COL25A1: variants seen among roughly 807,000 people sequenced by gnomAD.
The protein encoded by COL25A1 is collagen type XXV alpha 1 chain, also known as collagen alpha-1(XXV) chain.
COL25A1 carries 103 observed loss-of-function variants against 128.4 expected under a neutral mutation model. That is an observed-to-expected ratio of 0.80 (90% confidence interval 0.68 to 0.94). The LOEUF (loss-of-function observed/expected upper bound fraction) is 0.94, where lower values mean the gene tolerates loss of function less well. Ranked by LOEUF, COL25A1 falls within the 40% of genes least tolerant of loss-of-function variation. COL25A1 has a pLI of 0.00. For missense variants in COL25A1, 745 were observed against 840.0 expected (o/e 0.89, Z 1.40); for synonymous variants, 279 against 277.2 (o/e 1.01, Z -0.06).
intron 6 of COL25A1, among the ~76,000 whole-genome samples, chr4:109,004,699 G>A (rs1161334971): frequency 2.6e-5 from 4 of 152,112 alleles, no homozygotes; most frequent in Admixed American, 1.3e-4. Context: ...CTTTTGCCAT[G>A]TGACGTGCCT....
intron 19 of COL25A1, 38 bp from the exon 20 acceptor site, chr4:108,869,188 G>A (rs371256287): frequency 1.2e-6 from 1 of 833,352 alleles, no homozygotes; most frequent in Non-Finnish European, 1.8e-6. Flanking sequence ...TTAATCATTT[G>A]ACAATAAATA....
intron 15 of COL25A1, among the ~76,000 whole-genome samples, chr4:108,898,411 G>A (rs749829487): frequency 5.3e-5 from 8 of 152,154 alleles, no homozygotes; most frequent in African/African-American, 4.8e-5. Flanking sequence ...AGAGCATGAT[G>A]TAGTAACTTG....
rs1232600632 is a variant in COL25A1 at position 108,819,334 on chromosome 4, T to A, written c.1846-5A>T. 6.2e-7 allele frequency: 1 copy of A among 1,610,454 alleles called. No individual in the cohort carries two copies. The highest frequency in any genetic ancestry group is 2.2e-5 in the East Asian group (1 of 44,748). On this transcript the variant is annotated splice_polypyrimidine_tract_variant and splice_region_variant and intron_variant, in intron 35 of 37. Transcript: ENST00000399132. The stretch of plus-strand genomic sequence containing the variant: ...CCCCTTAACGCCACGGAATCCCTGT[T>A]TGTAAAGATTAACTCATAATGTTAC...
intron 6 of COL25A1, among the ~76,000 whole-genome samples, chr4:108,992,968 T>C (rs1432309376): frequency 6.6e-6 from 1 of 152,234 alleles, no homozygotes; most frequent in Non-Finnish European, 1.5e-5. Context: ...GAAGTATATA[T>C]ACATTGTAGA....
chr4:108,906,060 A>C lies in COL25A1; in HGVS notation c.781-4888T>G, dbSNP rs994893493. On this transcript the variant is annotated intron_variant, in intron 13 of 37. Coordinates refer to ENST00000399132, the MANE Select transcript of COL25A1 (RefSeq NM_198721.4). ...GTTCTTTGCCACCCACCAGCTTCCA[A>C]CATTCTCTTAAAAGCAAGTCAGGCA... Among the ~76,000 whole-genome samples, 3 of 152,098 alleles carry C rather than the reference A, an allele frequency of 2.0e-5. No individual in the cohort carries two copies. In the South Asian group the frequency reaches 6.2e-4, roughly 31 times the overall value.
At chr4:109,155,524 C>T (rs1164616811) in intron 3 of COL25A1, among the ~76,000 whole-genome samples, 1 of 152,176 alleles carries the variant, frequency 6.6e-6, no homozygotes, top group African/African-American at 2.4e-5. Context: ...GCCTGTATAA[C>T]AAAATGCTAG....
At chr4:108,913,916 G>T (rs1744560229) in intron 13 of COL25A1, among the ~76,000 whole-genome samples, 1 of 152,166 alleles carries the variant, frequency 6.6e-6, no homozygotes, top group South Asian at 2.1e-4. Context: ...GTGTGCGTTT[G>T]CGTGCATGCA....
chr4:108,903,071 A>G (rs1173071556), intron 13 of COL25A1, among the ~76,000 whole-genome samples: 1 of 151,968 alleles, frequency 6.6e-6, no homozygotes, highest in Non-Finnish European at 1.5e-5. Flanking sequence ...TAAAAAATAA[A>G]TGGTTAAGCC....
At chr4:109,150,125 T>C (rs1435037782) in intron 3 of COL25A1, among the ~76,000 whole-genome samples, 2 of 151,938 alleles carry the variant, frequency 1.3e-5, no homozygotes, top group Non-Finnish European at 2.9e-5. Context: ...TAGTCTGTAT[T>C]GTCTCTAACT....
intron 12 of COL25A1, among the ~76,000 whole-genome samples, chr4:108,919,768 AT>A (rs978862623): frequency 4.9e-4 from 73 of 149,944 alleles, no homozygotes; most frequent in Admixed American, 1.3e-4. Flanking sequence ...GAAAAAAAAA[AT>A]TTTTTTTTTG....
At chr4:109,136,235 TAAA>T (rs1769738808) in intron 3 of COL25A1, among the ~76,000 whole-genome samples, 1 of 151,992 alleles carries the variant, frequency 6.6e-6, no homozygotes, top group African/African-American at 2.4e-5. Context: ...CTGTCTCTAC[TAAA>T]AATACAAAAA....
At chr4:109,184,968 C>G (rs1775002426) in intron 3 of COL25A1, among the ~76,000 whole-genome samples, 1 of 152,128 alleles carries the variant, frequency 6.6e-6, no homozygotes, top group Non-Finnish European at 1.5e-5. Context: ...CTCCAGGGCC[C>G]CCAGAACAAG....
intron 8 of COL25A1, among the ~76,000 whole-genome samples, chr4:108,970,004 T>G (rs1751747658): frequency 6.6e-6 from 1 of 152,116 alleles, no homozygotes; most frequent in African/African-American, 2.4e-5. Flanking sequence ...CAGGTTCAAG[T>G]GATTCTCCTG....
At chr4:109,054,658 C>A (rs980788562) in intron 3 of COL25A1, among the ~76,000 whole-genome samples, 7 of 152,100 alleles carry the variant, frequency 4.6e-5, no homozygotes, top group Admixed American at 1.3e-4. Context: ...TCATAAAATA[C>A]CTCAAACAGT....
At chr4:109,214,585 T>A (rs1169164632) in intron 3 of COL25A1, among the ~76,000 whole-genome samples, 2 of 149,622 alleles carry the variant, frequency 1.3e-5, no homozygotes, top group Non-Finnish European at 2.9e-5. Flanking sequence ...ACTATGAACA[T>A]CCCCATTTGG....
At chr4:108,916,151 C>T (rs959017466) in intron 13 of COL25A1, among the ~76,000 whole-genome samples, 4 of 152,110 alleles carry the variant, frequency 2.6e-5, no homozygotes, top group African/African-American at 9.7e-5. Context: ...AACAGAAGTT[C>T]CATACACAAA....
chr4:109,026,537 G>A lies in COL25A1; in HGVS notation c.421-16162C>T, dbSNP rs187927442. On this transcript the variant is annotated intron_variant, in intron 5 of 37. Coordinates refer to ENST00000399132, the MANE Select transcript of COL25A1 (RefSeq NM_198721.4). Reference sequence around the variant, plus strand: ...GGAATAACATGTTTAAAGGTTCAGAGGCTGGTTATAGACTTGGGAAAAGGG... The same window carrying A: ...GGAATAACATGTTTAAAGGTTCAGAAGCTGGTTATAGACTTGGGAAAAGGG... 1.4e-4 allele frequency among the ~76,000 whole-genome samples: 22 copies of A among 152,304 alleles called. 1 individual carries two copies. Among genetic ancestry groups the A allele is most frequent in the African/African-American group, 5.3e-4 (22 of 41,556 alleles).
intron 3 of COL25A1, among the ~76,000 whole-genome samples, chr4:109,210,304 T>C (rs2126195145): frequency 6.6e-6 from 1 of 152,354 alleles, no homozygotes; most frequent in Non-Finnish European, 1.5e-5. Flanking sequence ...TTCACAATTT[T>C]AATAAAATTG....
intron 5 of COL25A1, among the ~76,000 whole-genome samples, chr4:109,045,977 C>G (rs2125935177): frequency 6.6e-6 from 1 of 152,184 alleles, no homozygotes; most frequent in East Asian, 1.9e-4. Flanking sequence ...GACCCATGGC[C>G]TGACAAACCC....
Sources: allele counts gnomAD v4.1 joint callset (sites outside exome capture counted in the v4.1 genomes callset), GRCh38; gene constraint gnomAD v4.1.1; transcripts MANE v1.5; gene names NCBI Gene and HGNC (gene_info 2026-07-23, HGNC 2026-07-21).